Variants in SPIDR observed in about 807,000 individuals in gnomAD.
SPIDR encodes DNA repair-scaffolding protein.
Under a neutral mutation model 104.6 loss-of-function variants are expected in SPIDR, and 93 were observed. That is an observed-to-expected ratio of 0.89 (90% CI 0.75 to 1.06). The LOEUF is 1.06. Among genes scored for constraint, SPIDR ranks in the 50% least tolerant of loss-of-function variants. The pLI is 0.00. For missense variants in SPIDR, 1,154 were observed against 1,111.2 expected, an observed-to-expected ratio of 1.04 and a Z score of -0.55; for synonymous variants, 431 against 416.9, an observed-to-expected ratio of 1.03 and a Z score of -0.41.
Position 47,700,432 on chromosome 8 carries a change from C to T in SPIDR, c.1715C>T (p.Thr572Ile). ...GCGGGGATTTTCAGTTTGATTGACA[C>T]CCTGTGGCCCCCAGCGATACCTCTG... Reference protein sequence around the residue: ...RTAGIFSLIDTLWPPAIPLKT... With the variant: ...RTAGIFSLIDILWPPAIPLKT... Residue 572 changes from threonine to isoleucine, a missense_variant, in exon 12 of 20, where the codon ACC becomes ATC. By Grantham distance (89) the Thr-to-Ile change is moderately conservative. Transcript: ENST00000297423. The T allele has an allele frequency of 6.2e-7, 1 of 1,614,190 alleles. No homozygotes were observed. Among genetic ancestry groups the T allele is most frequent in the Non-Finnish European group, 8.5e-7 (1 of 1,180,036 alleles).
chr8:47,707,527 G>A (rs561709784), intron 14 of SPIDR, among the ~76,000 whole-genome samples: 1 of 152,166 alleles, frequency 6.6e-6, no homozygotes, highest in East Asian at 1.9e-4. Flanking sequence ...ATTTTCTCAG[G>A]ATCTCTAAAT....
At chr8:47,669,945 G>A (rs2029239) in intron 10 of SPIDR, among the ~76,000 whole-genome samples, 102,967 of 152,106 alleles carry the variant, frequency 0.68, 35,196 homozygotes, top group East Asian at 0.81. Context: ...GGTTGCAGTG[G>A]GTCGAGATTA....
intron 11 of SPIDR, among the ~76,000 whole-genome samples, chr8:47,692,487 CTTTTT>C (rs1171012398): frequency 1.0e-4 from 12 of 119,280 alleles, no homozygotes; most frequent in Admixed American, 3.6e-4. Flanking sequence ...TCAGAATTTC[CTTTTT>C]TTTTTTTTTT....
chr8:47,308,282 C>A (rs2043463230), intron 5 of SPIDR, among the ~76,000 whole-genome samples: 1 of 151,806 alleles, frequency 6.6e-6, no homozygotes, highest in South Asian at 2.1e-4. Context: ...AGGCTCGTCT[C>A]AAACTCCTGA....
chr8:47,395,074 G>T (rs1228769145), intron 5 of SPIDR, among the ~76,000 whole-genome samples: 2 of 152,106 alleles, frequency 1.3e-5, no homozygotes, highest in Non-Finnish European at 2.9e-5. Flanking sequence ...TTTGGCTGGG[G>T]TTGGTGGTTC....
intron 10 of SPIDR, among the ~76,000 whole-genome samples, chr8:47,610,007 G>A (rs541880752): frequency 5.3e-5 from 8 of 152,280 alleles, no homozygotes; most frequent in African/African-American, 1.9e-4. Flanking sequence ...ATTATGCTAT[G>A]TGTAACCACC....
chr8:47,607,682 AACAC>A (rs1008777853), intron 10 of SPIDR, among the ~76,000 whole-genome samples: 1 of 151,958 alleles, frequency 6.6e-6, no homozygotes, highest in African/African-American at 2.4e-5. Context: ...CCACTGTCCA[AACAC>A]ACACAAAGGC....
At chr8:47,298,769 T>G (rs1563521877) in intron 5 of SPIDR, among the ~76,000 whole-genome samples, 1 of 152,206 alleles carries the variant, frequency 6.6e-6, no homozygotes, top group Non-Finnish European at 1.5e-5. Flanking sequence ...GTTGTAGATA[T>G]GCGGCATTAT....
chr8:47,284,246 T>G, intron 3 of SPIDR, 152 bp downstream of exon 3: 1 of 583,786 alleles, frequency 1.7e-6, no homozygotes, highest in Non-Finnish European at 2.9e-6. Context: ...AAAAAGATAT[T>G]TTTGAGAACT....
chr8:47,512,348 G>T, intron 8 of SPIDR, among the ~76,000 whole-genome samples: 1 of 152,122 alleles, frequency 6.6e-6, no homozygotes, highest in Non-Finnish European at 1.5e-5. Context: ...TATGGTGATT[G>T]GTCCACTGAG....
chr8:47,347,657 T>G (rs2052426696), intron 5 of SPIDR, among the ~76,000 whole-genome samples: 1 of 152,212 alleles, frequency 6.6e-6, no homozygotes, highest in African/African-American at 2.4e-5. Flanking sequence ...GCATACATAT[T>G]TAGGATAGTT....
rs528740918 is a variant in SPIDR at position 47,529,767 on chromosome 8, TAAATG to T, written c.1098-66036_1098-66032del. Among the ~76,000 whole-genome samples the T allele has an allele frequency of 2.7e-3, 405 of 152,256 alleles. 1 individual carries two copies. The highest frequency in any genetic ancestry group is 0.01 in the Middle Eastern group (3 of 294). ...GTATTCAGTGGTCATAGTTCATGTA[TAAATG>T]AAATGAATGACAGCAATATTATAAG... On this transcript the variant is annotated intron_variant, in intron 8 of 19. Coordinates refer to ENST00000297423, the MANE Select transcript of SPIDR (RefSeq NM_001080394.4).
chr8:47,603,831 C>G (rs748915082), intron 10 of SPIDR, among the ~76,000 whole-genome samples: 10 of 152,218 alleles, frequency 6.6e-5, no homozygotes, highest in Non-Finnish European at 1.3e-4. Flanking sequence ...AGACAAAAAG[C>G]TGGAGAAATT....
At chr8:47,644,003 C>T (rs534576570) in intron 10 of SPIDR, among the ~76,000 whole-genome samples, 56 of 152,246 alleles carry the variant, frequency 3.7e-4, no homozygotes, top group African/African-American at 1.0e-3. Flanking sequence ...ACAGAGGCTT[C>T]GAGTGTGATG....
intron 10 of SPIDR, among the ~76,000 whole-genome samples, chr8:47,621,380 A>G (rs114310365): frequency 8.7e-4 from 132 of 152,342 alleles, no homozygotes; most frequent in African/African-American, 3.0e-3. Flanking sequence ...GTGAAGCCCA[A>G]ATGAATCATC....
At chr8:47,658,332 C>T (rs1439568897) in intron 10 of SPIDR, among the ~76,000 whole-genome samples, 8 of 151,800 alleles carry the variant, frequency 5.3e-5, no homozygotes, top group South Asian at 2.1e-4. Context: ...GTAGGAGAAT[C>T]GCTTGAACCC....
At chr8:47,337,647 TA>T (rs782449309) in intron 5 of SPIDR, among the ~76,000 whole-genome samples, 3,112 of 139,108 alleles carry the variant, frequency 0.022, 79 homozygotes, top group African/African-American at 0.063. Flanking sequence ...AACCATTGTT[TA>T]AAAAAAAAAA....
intron 16 of SPIDR, among the ~76,000 whole-genome samples, chr8:47,723,232 CATTTA>C (rs893543741): frequency 3.3e-5 from 5 of 152,104 alleles, no homozygotes; most frequent in Non-Finnish European, 7.4e-5. Flanking sequence ...TAGTCTCTGT[CATTTA>C]ATTTGTGTAT....
chr8:47,429,582 C>T (rs186263356), intron 7 of SPIDR, among the ~76,000 whole-genome samples: 7 of 152,260 alleles, frequency 4.6e-5, no homozygotes, highest in Non-Finnish European at 1.0e-4. Context: ...CATCCCTGAG[C>T]CATGCCCAGT....
Sources: allele counts gnomAD v4.1 joint callset (sites outside exome capture counted in the v4.1 genomes callset), GRCh38; gene constraint gnomAD v4.1.1; transcripts MANE v1.5; gene names NCBI Gene and HGNC (gene_info 2026-07-23, HGNC 2026-07-21).